Variants in FLOT2 observed in about 807,000 individuals in gnomAD.
The protein encoded by FLOT2 is flotillin 2.
Under a neutral mutation model 54.9 loss-of-function variants are expected in FLOT2, and 35 were observed. The ratio of observed to expected loss-of-function variants is 0.64; its 90% CI spans 0.49 to 0.84. The LOEUF (loss-of-function observed/expected upper bound fraction) is 0.84. Among genes scored for constraint, FLOT2 ranks in the 40% least tolerant of loss-of-function variants. The pLI, the probability that FLOT2 is intolerant of heterozygous loss-of-function variation, is 0.00. For missense variants in FLOT2, 464 were observed against 572.1 expected (o/e 0.81, Z 1.93); for synonymous variants, 207 against 228.9 (o/e 0.90, Z 0.86).
At chr17:28,886,040 A>G in intron 2 of FLOT2, 3 of 552,066 alleles carry the variant, frequency 5.4e-6, no homozygotes, top group Non-Finnish European at 9.9e-6. Context: ...ACAAGCACCG[A>G]TGCCTGACGC....
Position 28,888,910 on chromosome 17 carries a change from C to T in FLOT2, c.131+35G>A, listed in dbSNP as rs199610469. ...TGGAAGCCCCTCTCTCCCTGGCCCACTCCATGACAGGTCCTAGAGCCCCCA... is the reference window on the plus strand; with the variant it reads ...TGGAAGCCCCTCTCTCCCTGGCCCATTCCATGACAGGTCCTAGAGCCCCCA... On this transcript the variant is annotated intron_variant, in intron 2 of 10. Coordinates refer to ENST00000394908, the MANE Select transcript of FLOT2 (RefSeq NM_004475.3). The T allele has an allele frequency of 3.2e-4, 505 of 1,579,964 alleles. 1 individual carries two copies. The African/African-American group carries it at 6.0e-3, about 19-fold the overall frequency.
intron 1 of FLOT2, chr17:28,892,542 T>A (rs756234655): frequency 6.6e-6 from 1 of 151,758 alleles, no homozygotes; most frequent in Admixed American, 6.6e-5. Context: ...GGTTTCACCT[T>A]GTCAGCCAGG....
In FLOT2 at chr17:28,884,339, G is replaced by A. The variant is rs758751455; in HGVS notation, c.132-24C>T. 2 of 1,537,234 alleles carry A rather than the reference G, an allele frequency of 1.3e-6. No homozygotes were observed. Among genetic ancestry groups the A allele is most frequent in the Admixed American group, 1.7e-5 (1 of 58,828 alleles). ...TCCTGCCAAGAAACGCAAAACAGGG[G>A]CATGGGTCTGGGGGCGCAGGGCCTG... On this transcript the variant is annotated intron_variant, in intron 2 of 10. Coordinates refer to ENST00000394908, the MANE Select transcript of FLOT2 (RefSeq NM_004475.3). This position sits in a 1 kb window ranked among gnomAD's most constrained non-coding sequence, Gnocchi z 5.1.
intron 1 of FLOT2, chr17:28,893,076 G>T (rs1310380384): frequency 6.6e-6 from 1 of 152,212 alleles, no homozygotes; most frequent in Non-Finnish European, 1.5e-5. Context: ...GAAACTGCCA[G>T]ATTACCCGCC....
intron 1 of FLOT2, among the ~76,000 whole-genome samples, chr17:28,890,973 T>C (rs1357654657): frequency 6.6e-6 from 1 of 151,800 alleles, no homozygotes; most frequent in African/African-American, 2.4e-5. Context: ...CTCCACCTCT[T>C]GGGCTCAATC....
At position 28,897,081 on chromosome 17, in the gene FLOT2, C is replaced by T. The variant is rs1293239637; in HGVS notation, c.49+445G>A. Among the ~76,000 whole-genome samples, 2 of 152,198 alleles carry T rather than the reference C, an allele frequency of 1.3e-5. No homozygotes were observed. Among genetic ancestry groups the T allele is most frequent in the Admixed American group, 1.3e-4 (2 of 15,284 alleles). On this transcript the variant is annotated intron_variant, in intron 1 of 10. Transcript: ENST00000394908. The surrounding 1 kb of genome is among the most constrained non-coding windows in gnomAD (Gnocchi z 4.4). ...GGGTCTGACTGTGCCGAGAAACGACCTCTGTTTCAGGGCCCCTCCCCATAC... is the reference window on the plus strand; with the variant it reads ...GGGTCTGACTGTGCCGAGAAACGACTTCTGTTTCAGGGCCCCTCCCCATAC...
At chr17:28,886,813 G>C (rs950569370) in intron 2 of FLOT2, among the ~76,000 whole-genome samples, 2 of 152,200 alleles carry the variant, frequency 1.3e-5, no homozygotes, top group Non-Finnish European at 2.9e-5. Flanking sequence ...AGGAGCAGCA[G>C]TCGATGTGCA....
chr17:28,889,683 A>G (rs2039610666), intron 1 of FLOT2, among the ~76,000 whole-genome samples: 1 of 151,372 alleles, frequency 6.6e-6, no homozygotes, highest in Non-Finnish European at 1.5e-5. Flanking sequence ...TCTGTTGCCC[A>G]GGCTGGAGTG....
chr17:28,881,543 C>T lies in FLOT2; in HGVS notation c.915-168G>A, dbSNP rs576530994. On this transcript the variant is annotated intron_variant, in intron 8 of 10. Coordinates refer to ENST00000394908, the MANE Select transcript of FLOT2 (RefSeq NM_004475.3). ...CTTCCGGCTCTGGCCAGGGAAAGGC[C>T]ACCGGCTCCCATCTGTAAGTGGGAG... Among the ~76,000 whole-genome samples, 6 of 152,356 alleles carry T rather than the reference C, an allele frequency of 3.9e-5. 1 individual carries two copies. Among genetic ancestry groups the T allele is most frequent in the Admixed American group, 3.9e-4 (6 of 15,302 alleles).
rs146169915 is a variant in FLOT2, at chr17:28,884,355, G to A, written c.132-40C>T. On this transcript the variant is annotated intron_variant, in intron 2 of 10. Coordinates refer to ENST00000394908, the MANE Select transcript of FLOT2 (RefSeq NM_004475.3). This position sits in a 1 kb window ranked among gnomAD's most constrained non-coding sequence, Gnocchi z 5.1. Reference sequence around the variant, plus strand: ...AAAACAGGGGCATGGGTCTGGGGGCGCAGGGCCTGGTGGTGTTGGGAAAGA... The same window carrying A: ...AAAACAGGGGCATGGGTCTGGGGGCACAGGGCCTGGTGGTGTTGGGAAAGA... 2.2e-5 allele frequency: 30 copies of A among 1,367,220 alleles called. No individual in the cohort carries two copies. The highest frequency in any genetic ancestry group is 3.7e-5 in the South Asian group (3 of 80,416). 84.7% of individuals were successfully genotyped at this position (1,367,220 alleles called of 1,614,324 possible).
intron 2 of FLOT2, chr17:28,885,611 C>T: frequency 1.4e-6 from 1 of 717,518 alleles, no homozygotes; most frequent in South Asian, 1.5e-5. Flanking sequence ...GGGACACTCA[C>T]TGGCAGACTT....
intron 1 of FLOT2, among the ~76,000 whole-genome samples, chr17:28,894,140 G>T (rs1249309936): frequency 6.6e-6 from 1 of 152,210 alleles, no homozygotes; most frequent in African/African-American, 2.4e-5. Context: ...AAAGTGCTGG[G>T]ATTACAAGTG....
chr17:28,886,038 C>T lies in FLOT2; in HGVS notation c.132-1723G>A, dbSNP rs1455593737. On this transcript the variant is annotated intron_variant, in intron 2 of 10. Coordinates refer to ENST00000394908, the MANE Select transcript of FLOT2 (RefSeq NM_004475.3). ...CACACAGTAGTTACCAGACAAGCACCGATGCCTGACGCCTGGGGGCGGGGG... is the reference window on the plus strand; with the variant it reads ...CACACAGTAGTTACCAGACAAGCACTGATGCCTGACGCCTGGGGGCGGGGG... 118 of 655,566 alleles carry T rather than the reference C, an allele frequency of 1.8e-4. 2 individuals are homozygous for T. In the Admixed American group the frequency reaches 2.4e-3, roughly 13 times the overall value. The allele number at this position is 655,566 out of a possible 1,614,324, so 40.6% of individuals were successfully genotyped here.
chr17:28,882,015 T>C lies in FLOT2; in HGVS notation c.713A>G (p.Gln238Arg). ...EEVNIKTAEA[Q>R]LAYELQGARE... ...GGCCCCCTGCAGCTCATAGGCCAAC[T>C]GGGCCTCAGCTGTCTGTGGCAAGAG... The change falls in exon 8 of 11, where the codon CAG (glutamine) becomes CGG (arginine). Residue 238 changes from glutamine (Q) to arginine (R), a missense_variant. Coordinates refer to ENST00000394908, the MANE Select transcript of FLOT2 (RefSeq NM_004475.3). This position sits in a 1 kb window ranked among gnomAD's most constrained non-coding sequence, Gnocchi z 5.6. 1 of 1,614,190 alleles carries C rather than the reference T, an allele frequency of 6.2e-7. No homozygotes were observed.
In FLOT2 at chr17:28,881,865, C is replaced by T. The variant is rs1157738274; in HGVS notation, c.863G>A (p.Arg288Gln). Residue 288 changes from arginine (R) to glutamine (Q), a missense_variant, in exon 8 of 11, where the codon CGG becomes CAG. By Grantham distance (43) the Arg-to-Gln change is conservative. Transcript: ENST00000394908. ...GCGGTGGGCCTCGGCCTCGGCAGGC[C>T]GGCGCACTGTAGCGATGAGCTCCTT... ...TDKELIATVR[R>Q]PAEAEAHRIQ... 1.9e-6 allele frequency: 3 copies of T among 1,613,580 alleles called. No individual in the cohort carries two copies. Among genetic ancestry groups the T allele is most frequent in the Non-Finnish European group, 2.5e-6 (3 of 1,180,042 alleles).
chr17:28,881,712 G>T, intron 8 of FLOT2, 102 bp downstream of exon 8: 7 of 1,012,010 alleles, frequency 6.9e-6, no homozygotes, highest in Non-Finnish European at 1.1e-5. Context: ...ACAGTGGAGG[G>T]GGAGAAGTGG....
At chr17:28,892,509 T>C (rs2152650090) in intron 1 of FLOT2, 1 of 150,594 alleles carries the variant, frequency 6.6e-6, no homozygotes, top group South Asian at 2.1e-4. Context: ...TGCCCAGCTT[T>C]TTTTTGTATT....
In FLOT2 at chr17:28,881,369, C is replaced by G; in HGVS notation, c.921G>C (p.Lys307Asn). The G allele has an allele frequency of 1.2e-6, 2 of 1,611,328 alleles. No homozygotes were observed. The highest frequency in any genetic ancestry group is 1.7e-6 in the Non-Finnish European group (2 of 1,179,998). The change falls in exon 9 of 11, where the codon AAG becomes AAC. Residue 307 changes from lysine (K) to asparagine (N), a missense_variant. Coordinates refer to ENST00000394908, the MANE Select transcript of FLOT2 (RefSeq NM_004475.3). ...CCTCTGCCTGTGCCAAGAGGACCTG[C>G]TTCACCCTGGGGGAGCCCAGGCCAG... ...IQQIAEGEKV[K>N]QVLLAQAEAE...
chr17:28,881,055 C>T, intron 9 of FLOT2, 137 bp downstream of exon 9: 1 of 1,022,394 alleles, frequency 9.8e-7, no homozygotes, highest in Non-Finnish European at 1.4e-6. Context: ...CTGCCCCCTG[C>T]TGAGGATGCT....
Sources: allele counts gnomAD v4.1 joint callset (sites outside exome capture counted in the v4.1 genomes callset), GRCh38; gene constraint gnomAD v4.1.1; non-coding constraint Gnocchi (gnomAD v3.1); transcripts MANE v1.5; gene names NCBI Gene and HGNC (gene_info 2026-07-23, HGNC 2026-07-21).